HAO2: variants seen among roughly 807,000 people sequenced by gnomAD.
The protein encoded by HAO2 is 2-Hydroxyacid oxidase 2.
A neutral mutation model predicts 37.4 loss-of-function variants in HAO2; 42 were observed. That is an observed-to-expected ratio of 1.12 (90% CI 0.88 to 1.45). The LOEUF is 1.45. HAO2 is among the 40% of genes most tolerant of loss of function. HAO2 has a pLI of 0.00. For synonymous variants in HAO2, 180 were observed against 162.8 expected (o/e 1.11, Z -0.81); for missense variants, 476 against 430.2 (o/e 1.11, Z -0.94).
intron 1 of HAO2, chr1:119,380,588 G>T: frequency 1.3e-6 from 1 of 773,212 alleles, no homozygotes; most frequent in South Asian, 1.6e-5. Flanking sequence ...GTGAGGCAGT[G>T]AAAATCCAGG....
At chr1:119,381,025 G>T (rs145490497) in intron 1 of HAO2, 53 bp from the exon 2 acceptor site, 6 of 1,503,412 alleles carry the variant, frequency 4.0e-6, no homozygotes, top group East Asian at 2.3e-5. Context: ...TTCCTTTTCT[G>T]CATCTGAAGT....
At chr1:119,376,105 C>T (rs60069426) in intron 1 of HAO2, among the ~76,000 whole-genome samples, 5,237 of 152,248 alleles carry the variant, frequency 0.034, 283 homozygotes, top group African/African-American at 0.12. Context: ...AAAGTCTCAT[C>T]TGAGACAAGG....
chr1:119,380,677 A>G, intron 1 of HAO2: 1 of 1,592,488 alleles, frequency 6.3e-7, no homozygotes, highest in Non-Finnish European at 8.6e-7. Context: ...AACTTTAGGA[A>G]GATCCCAGGA....
chr1:119,376,415 C>G lies in HAO2; in HGVS notation c.-8-4663C>G, dbSNP rs145507953. Among the ~76,000 whole-genome samples, 970 of 152,312 alleles carry G rather than the reference C, an allele frequency of 6.4e-3. 12 individuals are homozygous for G. The highest frequency in any genetic ancestry group is 0.022 in the African/African-American group (917 of 41,578). ...TTTCAGGGTACAGCCTCTCTTCTGG[C>G]TGCTTCCACAGGCTAATGTTGAGTG... On this transcript the variant is annotated intron_variant, in intron 1 of 7. Transcript: ENST00000325945.
intron 1 of HAO2, among the ~76,000 whole-genome samples, chr1:119,377,958 T>C (rs1290696404): frequency 2.0e-5 from 3 of 152,174 alleles, no homozygotes; most frequent in African/African-American, 7.2e-5. Flanking sequence ...TTCCAGCTAC[T>C]CAGGAGGCTG....
chr1:119,376,978 GCTC>G (rs1649523498), intron 1 of HAO2, among the ~76,000 whole-genome samples: 1 of 152,102 alleles, frequency 6.6e-6, no homozygotes. Context: ...TTAACATTTG[GCTC>G]CTCGTTACAT....
chr1:119,383,365 T>G (rs1650116812), intron 3 of HAO2, among the ~76,000 whole-genome samples: 1 of 152,126 alleles, frequency 6.6e-6, no homozygotes, highest in African/African-American at 2.4e-5. Context: ...GCTCACACCA[T>G]CTGTAGGGAA....
chr1:119,377,500 C>T (rs1450661891), intron 1 of HAO2, among the ~76,000 whole-genome samples: 3 of 152,196 alleles, frequency 2.0e-5, no homozygotes, highest in Non-Finnish European at 4.4e-5. Context: ...CAACCTCTGC[C>T]TATTATTCAG....
chr1:119,377,201 C>G (rs1171012395), intron 1 of HAO2, among the ~76,000 whole-genome samples: 1 of 152,136 alleles, frequency 6.6e-6, no homozygotes, highest in Non-Finnish European at 1.5e-5. Flanking sequence ...TGCTTTGCTG[C>G]TTAGAAATTT....
intron 7 of HAO2, among the ~76,000 whole-genome samples, chr1:119,393,144 C>T (rs1356203788): frequency 6.6e-6 from 1 of 152,080 alleles, no homozygotes; most frequent in Non-Finnish European, 1.5e-5. Flanking sequence ...CGTTACGCAG[C>T]CTGTTATTGC....
chr1:119,383,514 G>A (rs972852059), intron 3 of HAO2, among the ~76,000 whole-genome samples: 9 of 152,200 alleles, frequency 5.9e-5, no homozygotes, highest in South Asian at 2.1e-4. Flanking sequence ...CCTGGAAGCT[G>A]CTGTTGCCCA....
At chr1:119,383,104 G>T in intron 3 of HAO2, 38 bp downstream of exon 3, 14 of 1,538,930 alleles carry the variant, frequency 9.1e-6, no homozygotes, top group Non-Finnish European at 1.2e-5. Context: ...CTTTCCGGGA[G>T]GAGGTGTCCC....
At chr1:119,386,207 GTTGT>G (rs149142016) in intron 4 of HAO2, among the ~76,000 whole-genome samples, 2,246 of 152,056 alleles carry the variant, frequency 0.015, 62 homozygotes, top group African/African-American at 0.051. Context: ...TGTTTTCTTT[GTTGT>G]TTGTTTGTTT....
chr1:119,385,146 C>G, intron 4 of HAO2, 93 bp downstream of exon 4: 1 of 1,508,832 alleles, frequency 6.6e-7, no homozygotes, highest in Non-Finnish European at 8.9e-7. Context: ...TTTCCACAGG[C>G]ATTTATCGAA....
chr1:119,380,862 A>T, intron 1 of HAO2: 1 of 700,418 alleles, frequency 1.4e-6, no homozygotes, highest in Non-Finnish European at 2.5e-6. Flanking sequence ...GGATTTGGGA[A>T]TGGGAATGGG....
chr1:119,379,312 T>C (rs144039098), intron 1 of HAO2, among the ~76,000 whole-genome samples: 2,622 of 152,232 alleles, frequency 0.017, 26 homozygotes, highest in Non-Finnish European at 0.028. Context: ...AACCACATTG[T>C]TTATACAAAC....
intron 4 of HAO2, chr1:119,385,919 A>G: frequency 2.0e-6 from 2 of 978,010 alleles, no homozygotes; most frequent in Non-Finnish European, 2.4e-6. Context: ...TAACTGATTT[A>G]GTATTGCTTA....
intron 4 of HAO2, chr1:119,385,691 A>G (rs993783583): frequency 4.9e-5 from 48 of 985,286 alleles, no homozygotes; most frequent in Non-Finnish European, 5.5e-5. Flanking sequence ...AGAGAGAGAC[A>G]GCCATGATAA....
At chr1:119,370,563 T>C (rs1231981370) in intron 1 of HAO2, among the ~76,000 whole-genome samples, 1 of 152,172 alleles carries the variant, frequency 6.6e-6, no homozygotes, top group African/African-American at 2.4e-5. Flanking sequence ...GGGATGGATG[T>C]TAATATTCTC....
Sources: gnomAD v4.1 joint callset for allele counts (sites outside exome capture counted in the v4.1 genomes callset) on GRCh38, gnomAD v4.1.1 for gene constraint, MANE v1.5 for transcripts, NCBI Gene and HGNC (gene_info 2026-07-23, HGNC 2026-07-21) for gene names.